Variants in ZNF606 observed in about 807,000 individuals in gnomAD.
ZNF606 encodes zinc finger protein 328.
In ZNF606, 37 loss-of-function variants were observed where a neutral mutation model predicts 74.9. The ratio of observed to expected loss-of-function variants is 0.49; its 90% CI spans 0.38 to 0.65. ZNF606 has a LOEUF of 0.65. Among genes scored for constraint, ZNF606 ranks in the 30% least tolerant of loss-of-function variants. ZNF606 has a pLI of 0.00. For synonymous variants in ZNF606, 328 were observed against 312.4 expected, an observed-to-expected ratio of 1.05 and a Z score of -0.53; for missense variants, 852 against 952.9, an observed-to-expected ratio of 0.89 and a Z score of 1.39.
chr19:57,996,057 T>C (rs2073337607), intron 4 of ZNF606, among the ~76,000 whole-genome samples: 1 of 152,174 alleles, frequency 6.6e-6, no homozygotes, highest in Non-Finnish European at 1.5e-5. Context: ...AAATTAAAAC[T>C]AAAATAAATT....
intron 6 of ZNF606, among the ~76,000 whole-genome samples, chr19:57,981,454 GA>G (rs199722434): frequency 1.3e-5 from 2 of 150,232 alleles, no homozygotes; most frequent in Non-Finnish European, 3.0e-5. Context: ...GGTTAAAAAA[GA>G]AAAAAAAAGA....
At position 57,979,887 on chromosome 19, in the gene ZNF606, C is replaced by T. The variant is rs766365565; in HGVS notation, c.793G>A (p.Asp265Asn). ...GACTGATAAACAGTTTTGTCATAAT[C>T]ATTATTTTCACAGGTAACCTTATCT... The part of the protein sequence containing the change: ...YADKVTCENN[D>N]YDKTVYQSIQ... The change falls in exon 7 of 7, where the codon GAT becomes AAT. Residue 265 changes from aspartate (D) to asparagine (N), a missense_variant. Around this residue, in one of 3 missense-constraint regions of ZNF606, gnomAD observed 545 missense variants for 542.5 expected, o/e 1.00. Transcript: ENST00000551380. 8 of 1,613,850 alleles carry T rather than the reference C, an allele frequency of 5.0e-6. No homozygotes were observed. In the South Asian group the frequency reaches 7.7e-5, roughly 16 times the overall value.
At chr19:57,989,199 G>A (rs1320398633) in intron 4 of ZNF606, among the ~76,000 whole-genome samples, 7 of 152,154 alleles carry the variant, frequency 4.6e-5, no homozygotes, top group East Asian at 1.9e-4. Flanking sequence ...TGGTGGGGAG[G>A]TTTCCATTCT....
At chr19:57,997,338 CTA>C (rs1249617920) in intron 4 of ZNF606, 1 of 152,226 alleles carries the variant, frequency 6.6e-6, no homozygotes, top group Non-Finnish European at 1.5e-5. Context: ...TAAAACCTCA[CTA>C]TTCAACATAC....
At chr19:57,984,207 C>A (rs1158875547) in intron 6 of ZNF606, among the ~76,000 whole-genome samples, 1 of 152,164 alleles carries the variant, frequency 6.6e-6, no homozygotes, top group Non-Finnish European at 1.5e-5. Flanking sequence ...AGGGGACATG[C>A]AGAAATGCAC....
chr19:57,997,471 T>C (rs984634904), intron 4 of ZNF606: 11 of 152,194 alleles, frequency 7.2e-5, no homozygotes, highest in Non-Finnish European at 1.3e-4. Flanking sequence ...CAGGGTTCTT[T>C]TGCATTCCTG....
intron 6 of ZNF606, among the ~76,000 whole-genome samples, chr19:57,981,550 C>A (rs1433481263): frequency 6.6e-6 from 1 of 152,176 alleles, no homozygotes; most frequent in Non-Finnish European, 1.5e-5. Context: ...AGTGCTCTCA[C>A]TTCTGTGTTA....
rs186371836 is a variant in ZNF606, at chr19:57,990,429, G to A, written c.178-1708C>T. Among the ~76,000 whole-genome samples, 83 of 151,470 alleles carry A rather than the reference G, an allele frequency of 5.5e-4. No homozygotes were observed. In the East Asian group the frequency reaches 0.014, roughly 26 times the overall value. ...GTGCACACCTGTAGTCCCAGCTACT[G>A]GGAAAGCTGAAGAAGTGGGAGGATA... On this transcript the variant is annotated intron_variant, in intron 4 of 6. Coordinates refer to ENST00000551380, the MANE Select transcript of ZNF606 (RefSeq NM_001348022.3).
chr19:57,998,640 T>G (rs183900132), intron 4 of ZNF606: 11 of 152,336 alleles, frequency 7.2e-5, no homozygotes, highest in African/African-American at 2.4e-4. Context: ...TACTGGTGAT[T>G]GTTGCACAAT....
chr19:57,987,180 C>T (rs1472993724), intron 6 of ZNF606, among the ~76,000 whole-genome samples: 4 of 152,120 alleles, frequency 2.6e-5, no homozygotes, highest in African/African-American at 7.2e-5. Flanking sequence ...GTGTGTATGC[C>T]TCTGTGTATC....
At chr19:57,993,647 T>C (rs954788436) in intron 4 of ZNF606, among the ~76,000 whole-genome samples, 9 of 152,222 alleles carry the variant, frequency 5.9e-5, no homozygotes, top group Non-Finnish European at 2.9e-5. Flanking sequence ...CATGTACTTA[T>C]ACACGGGCAA....
chr19:58,003,081 T>A (rs968857845), upstream of ZNF606: 14 of 407,558 alleles, frequency 3.4e-5, no homozygotes, highest in Admixed American at 1.6e-4. Context: ...GGTTTGCCCA[T>A]CCGCAAAATG....
At chr19:57,981,827 T>C (rs991073942) in intron 6 of ZNF606, among the ~76,000 whole-genome samples, 1 of 152,182 alleles carries the variant, frequency 6.6e-6, no homozygotes, top group African/African-American at 2.4e-5. Flanking sequence ...GAAGACAGCA[T>C]AGTGTGAAAA....
intron 4 of ZNF606, among the ~76,000 whole-genome samples, chr19:57,995,274 A>G (rs1027353714): frequency 6.6e-6 from 1 of 152,044 alleles, no homozygotes; most frequent in Non-Finnish European, 1.5e-5. Context: ...AAACTACATA[A>G]ACACGTGCAC....
rs576870372 is a variant in ZNF606, at chr19:57,988,306, T to C, written c.305-4A>G. 3.1e-6 allele frequency: 5 copies of C among 1,612,320 alleles called. No individual in the cohort carries two copies. The highest frequency in any genetic ancestry group is 1.3e-5 in the African/African-American group (1 of 74,876). On this transcript the variant is annotated splice_region_variant and splice_polypyrimidine_tract_variant and intron_variant, in intron 5 of 6. Coordinates refer to ENST00000551380, the MANE Select transcript of ZNF606 (RefSeq NM_001348022.3). ...TCAGGCTTGGCAATCTGATTTCCTA[T>C]GCATGGAGGAAAAGCATGGAAATCA...
chr19:57,996,987 G>C (rs1282061128), intron 4 of ZNF606, among the ~76,000 whole-genome samples: 1 of 152,210 alleles, frequency 6.6e-6, no homozygotes, highest in Non-Finnish European at 1.5e-5. Flanking sequence ...GCTGAGCTGG[G>C]TCTCAGATGT....
At chr19:57,991,043 G>C (rs1008801327) in intron 4 of ZNF606, among the ~76,000 whole-genome samples, 6 of 151,784 alleles carry the variant, frequency 4.0e-5, no homozygotes, top group Non-Finnish European at 7.4e-5. Context: ...CTGCACCCTC[G>C]TCCCACTGCT....
At chr19:57,999,737 A>T (rs779746854) in intron 4 of ZNF606, 71 bp downstream of exon 4, 1 of 1,460,158 alleles carries the variant, frequency 6.8e-7, no homozygotes, top group East Asian at 2.3e-5. Flanking sequence ...TAAACTGGAG[A>T]GCCGCATCAA....
At chr19:57,989,086 C>A (rs906317863) in intron 4 of ZNF606, among the ~76,000 whole-genome samples, 5 of 152,168 alleles carry the variant, frequency 3.3e-5, no homozygotes, top group African/African-American at 1.2e-4. Flanking sequence ...AGGCTATGAG[C>A]ACTGGCTACA....
Sources: gnomAD v4.1 joint callset for allele counts (sites outside exome capture counted in the v4.1 genomes callset) on GRCh38, gnomAD v4.1.1 for gene constraint, gnomAD v4.1.1 regional missense constraint, MANE v1.5 for transcripts, NCBI Gene and HGNC (gene_info 2026-07-23, HGNC 2026-07-21) for gene names.